Variants in CHST8 observed in about 807,000 individuals in gnomAD.
CHST8 encodes GALNAC-4-ST1.
CHST8 carries 10 observed loss-of-function variants against 15.0 expected under a neutral mutation model. The ratio of observed to expected loss-of-function variants is 0.67; its 90% CI spans 0.41 to 1.13. The LOEUF (loss-of-function observed/expected upper bound fraction) is 1.13. Among genes scored for constraint, CHST8 ranks in the 50% most tolerant of loss-of-function variants. The pLI is 0.00. For missense variants in CHST8, 634 were observed against 608.2 expected (o/e 1.04, Z -0.45); for synonymous variants, 259 against 256.6 (o/e 1.01, Z -0.09).
In CHST8 at chr19:33,684,262, T is replaced by TG. The variant is rs903138751; in HGVS notation, c.-86-4907dup. Among the ~76,000 whole-genome samples the TG allele has an allele frequency of 4.3e-4, 66 of 152,196 alleles. 2 individuals are homozygous for TG. Among genetic ancestry groups the TG allele is most frequent in the South Asian group, 2.1e-4 (1 of 4,814 alleles). On this transcript the variant is annotated intron_variant, in intron 2 of 4. Coordinates refer to ENST00000650847, the MANE Select transcript of CHST8 (RefSeq NM_001127895.2). ...TTCTCCCCGCTGCAGAGCATGGGGC[T>TG]GGGGGGGAGTGGAGAGAACCCTGCC...
chr19:33,709,449 C>T (rs1370212795), intron 3 of CHST8, among the ~76,000 whole-genome samples: 1 of 152,132 alleles, frequency 6.6e-6, no homozygotes, highest in Non-Finnish European at 1.5e-5. Context: ...TGGATTTTGT[C>T]AAATACTTGT....
intron 2 of CHST8, among the ~76,000 whole-genome samples, chr19:33,681,941 A>G (rs1026407207): frequency 6.8e-5 from 10 of 146,952 alleles, no homozygotes; most frequent in Non-Finnish European, 1.3e-4. Context: ...ACCTCGCCTC[A>G]CTGCAATCTC....
At chr19:33,686,279 T>C (rs577998781) in intron 2 of CHST8, among the ~76,000 whole-genome samples, 33 of 152,094 alleles carry the variant, frequency 2.2e-4, no homozygotes, top group Non-Finnish European at 3.8e-4. Flanking sequence ...CTTCCTGGAT[T>C]TGGGGGCATG....
At chr19:33,709,836 T>A (rs1015294395) in intron 3 of CHST8, among the ~76,000 whole-genome samples, 1 of 152,222 alleles carries the variant, frequency 6.6e-6, no homozygotes, top group Non-Finnish European at 1.5e-5. Context: ...GACTTTTCTT[T>A]GTGAGACATT....
chr19:33,630,294 C>T (rs1972105599), intron 1 of CHST8, among the ~76,000 whole-genome samples: 1 of 152,214 alleles, frequency 6.6e-6, no homozygotes, highest in African/African-American at 2.4e-5. Flanking sequence ...GTTGTGTTGG[C>T]CAGGAGGAGC....
chr19:33,752,501 C>G (rs554819049), intron 3 of CHST8, among the ~76,000 whole-genome samples: 1 of 152,096 alleles, frequency 6.6e-6, no homozygotes, highest in Non-Finnish European at 1.5e-5. Flanking sequence ...ATATCTGAAC[C>G]GATTCGTATT....
chr19:33,757,427 A>AAGGAAGGAAGG (rs1240134115), intron 3 of CHST8, among the ~76,000 whole-genome samples: 1 of 14,166 alleles, frequency 7.1e-5, no homozygotes, highest in Non-Finnish European at 1.5e-4. Flanking sequence ...AGAAAGAAAG[A>AAGGAAGGAAGG]AAGAAAGAAA....
At chr19:33,706,206 G>C (rs1223284808) in intron 3 of CHST8, among the ~76,000 whole-genome samples, 1 of 152,214 alleles carries the variant, frequency 6.6e-6, no homozygotes, top group African/African-American at 2.4e-5. Context: ...TGGAGGGCCA[G>C]CCTGGGTTAG....
intron 1 of CHST8, among the ~76,000 whole-genome samples, chr19:33,628,661 A>G (rs191306865): frequency 2.0e-5 from 3 of 152,286 alleles, no homozygotes; most frequent in East Asian, 3.9e-4. Context: ...GCACTGTAAC[A>G]CTGGTTGAGC....
chr19:33,738,907 G>A (rs981727571), intron 3 of CHST8, among the ~76,000 whole-genome samples: 2 of 152,118 alleles, frequency 1.3e-5, no homozygotes, highest in Non-Finnish European at 2.9e-5. Context: ...AAGATTTTTA[G>A]CAAGTGTGCA....
chr19:33,766,021 T>G (rs1974834105), intron 3 of CHST8, among the ~76,000 whole-genome samples: 2 of 152,212 alleles, frequency 1.3e-5, no homozygotes, highest in Non-Finnish European at 2.9e-5. Flanking sequence ...CTCCTTCCCA[T>G]GCAAGCTGCG....
At chr19:33,681,419 C>A (rs1972887220) in intron 2 of CHST8, among the ~76,000 whole-genome samples, 1 of 152,180 alleles carries the variant, frequency 6.6e-6, no homozygotes. Context: ...GCCACAGGGG[C>A]CCAGTTATCC....
chr19:33,681,772 G>A lies in CHST8; in HGVS notation c.-86-7404G>A, dbSNP rs372269022. Among the ~76,000 whole-genome samples the A allele has an allele frequency of 1.5e-4, 23 of 152,176 alleles. No homozygotes were observed. In the East Asian group the frequency reaches 3.1e-3, roughly 20 times the overall value. ...CAGACTTAAGTGGAGGGGAAGTCAG[G>A]CCAGAGAACCTGGGGTGCCCTGCTC... is the stretch of plus-strand genomic sequence containing the variant. On this transcript the variant is annotated intron_variant, in intron 2 of 4. Coordinates refer to ENST00000650847, the MANE Select transcript of CHST8 (RefSeq NM_001127895.2).
chr19:33,698,842 C>T (rs1038153716), intron 3 of CHST8, among the ~76,000 whole-genome samples: 12 of 152,094 alleles, frequency 7.9e-5, no homozygotes, highest in African/African-American at 2.2e-4. Flanking sequence ...ACCATGCCCT[C>T]GCCCCTCTGC....
At chr19:33,680,199 G>C (rs1972867084) in intron 2 of CHST8, among the ~76,000 whole-genome samples, 1 of 152,220 alleles carries the variant, frequency 6.6e-6, no homozygotes, top group African/African-American at 2.4e-5. Flanking sequence ...AAAGGTTATT[G>C]TGTGAAAGCT....
intron 3 of CHST8, among the ~76,000 whole-genome samples, chr19:33,729,822 C>A (rs963092593): frequency 3.9e-5 from 6 of 152,166 alleles, no homozygotes; most frequent in African/African-American, 1.4e-4. Context: ...AGATTGTCGA[C>A]TGGTGGAAGA....
chr19:33,697,956 A>G (rs1299288369), intron 3 of CHST8, among the ~76,000 whole-genome samples: 2 of 152,022 alleles, frequency 1.3e-5, no homozygotes, highest in Non-Finnish European at 2.9e-5. Flanking sequence ...AGCTCTGGGG[A>G]CCCCGGAGTA....
chr19:33,762,522 G>A (rs182598391), intron 3 of CHST8, among the ~76,000 whole-genome samples: 7 of 152,362 alleles, frequency 4.6e-5, no homozygotes, highest in East Asian at 3.9e-4. Context: ...GCCGTCAGGC[G>A]CTCATCGGCC....
intron 3 of CHST8, among the ~76,000 whole-genome samples, chr19:33,724,232 G>A (rs55792450): frequency 0.075 from 11,361 of 152,200 alleles, 602 homozygotes; most frequent in Middle Eastern, 0.13. Context: ...CCCAGGCCCA[G>A]CCCCCTCCTG....
Sources: allele counts gnomAD v4.1 joint callset (sites outside exome capture counted in the v4.1 genomes callset), GRCh38; gene constraint gnomAD v4.1.1; transcripts MANE v1.5; gene names NCBI Gene and HGNC (gene_info 2026-07-23, HGNC 2026-07-21).